The following PTPRN2 variants were observed in gnomAD, a reference collection of about 807,000 sequenced individuals.
The protein encoded by PTPRN2 is receptor-type tyrosine-protein phosphatase N2.
In PTPRN2, 74 loss-of-function variants were observed where a neutral mutation model predicts 118.8. The observed-to-expected ratio is 0.62, with a 90% CI of 0.52 to 0.76. The LOEUF is 0.76. Ranked by LOEUF, PTPRN2 falls within the 30% of genes least tolerant of loss-of-function variation. The pLI is 0.00. For missense variants in PTPRN2, 1,481 were observed against 1,394.4 expected, an observed-to-expected ratio of 1.06 and a Z score of -0.99; for synonymous variants, 641 against 608.0, an observed-to-expected ratio of 1.05 and a Z score of -0.80.
chr7:158,071,810 G>T (rs1381297984), intron 11 of PTPRN2, among the ~76,000 whole-genome samples: 3 of 108,496 alleles, frequency 2.8e-5, no homozygotes, highest in Admixed American at 1.8e-4. Context: ...TGGTGGAGGT[G>T]CTCGTCGTAT....
At chr7:157,837,641 G>A (rs968204816) in intron 12 of PTPRN2, among the ~76,000 whole-genome samples, 4 of 152,184 alleles carry the variant, frequency 2.6e-5, no homozygotes, top group Admixed American at 1.3e-4. Flanking sequence ...CACTCCTGCC[G>A]TCTGCAAGGA....
intron 2 of PTPRN2, among the ~76,000 whole-genome samples, chr7:158,463,857 C>G (rs1014666969): frequency 3.5e-5 from 5 of 141,926 alleles, no homozygotes; most frequent in Non-Finnish European, 7.6e-5. Context: ...CATTGCCATG[C>G]CATTTAGTAA....
rs1483944057 is a variant in PTPRN2, at chr7:157,944,494, T to C, written c.1724-45757A>G. On this transcript the variant is annotated intron_variant, in intron 11 of 22. Transcript: ENST00000389418. The surrounding 1 kb of genome is among the most constrained non-coding windows in gnomAD (Gnocchi z 4.3). ...GGATCTATTGGAAAATTCTTCTTTT[T>C]AAAAAAGTTTCATGGAAAAAGCTTC... is the stretch of plus-strand genomic sequence containing the variant. 6.6e-6 allele frequency among the ~76,000 whole-genome samples: 1 copy of C among 152,214 alleles called. No homozygotes were observed. Among genetic ancestry groups the C allele is most frequent in the Non-Finnish European group, 1.5e-5 (1 of 68,038 alleles).
intron 14 of PTPRN2, among the ~76,000 whole-genome samples, chr7:157,650,227 G>T (rs547036082): frequency 6.6e-6 from 1 of 152,166 alleles, no homozygotes; most frequent in Admixed American, 6.5e-5. Flanking sequence ...TGGCGTGAAG[G>T]CTTCCCAAAC....
chr7:158,138,392 T>G lies in PTPRN2; in HGVS notation c.1034A>C (p.His345Pro). 12 of 1,613,712 alleles carry G rather than the reference T, an allele frequency of 7.4e-6. No homozygotes were observed. Among genetic ancestry groups the G allele is most frequent in the Non-Finnish European group, 1.0e-5 (12 of 1,179,908 alleles). ...CCCAGGGCTGCCTCGAGCTACTCCA[T>G]GGTCCACGCCTTGCATCAGGCCAGC... ...LMAGLMQGVD[H>P]GVARGSPGRA... The change falls in exon 7 of 23, where the codon CAT becomes CCT. Residue 345 changes from histidine (H) to proline (P), a missense_variant. Physicochemically the swap from His to Pro is moderately conservative, Grantham distance 77. Transcript: ENST00000389418.
intron 7 of PTPRN2, among the ~76,000 whole-genome samples, chr7:158,136,995 AC>A (rs11332092): frequency 0.35 from 53,846 of 151,860 alleles, 9,912 homozygotes; most frequent in East Asian, 0.5. Flanking sequence ...GCAAAAAAAA[AC>A]CCCATCGTAC....
At chr7:157,894,267 C>T (rs1433729361) in intron 12 of PTPRN2, among the ~76,000 whole-genome samples, 4 of 152,196 alleles carry the variant, frequency 2.6e-5, no homozygotes, top group Non-Finnish European at 4.4e-5. Context: ...CAATCAAAAC[C>T]GGGCGTGACT....
intron 12 of PTPRN2, among the ~76,000 whole-genome samples, chr7:157,793,208 C>T (rs1199498468): frequency 6.6e-6 from 1 of 152,118 alleles, no homozygotes; most frequent in Non-Finnish European, 1.5e-5. Context: ...CCTGCTGTTC[C>T]CTCTGCAGAG....
chr7:158,128,243 C>T (rs1264848250), intron 9 of PTPRN2, among the ~76,000 whole-genome samples: 1 of 152,208 alleles, frequency 6.6e-6, no homozygotes, highest in African/African-American at 2.4e-5. Context: ...GATAATAGGG[C>T]AAAAACCTCA....
At chr7:157,840,350 G>A (rs1221055170) in intron 12 of PTPRN2, among the ~76,000 whole-genome samples, 5 of 144,968 alleles carry the variant, frequency 3.4e-5, no homozygotes, top group East Asian at 2.1e-4. Flanking sequence ...GTGTGGCCGC[G>A]TGTGACTGTG....
At chr7:157,604,787 G>A (rs958784163) in intron 15 of PTPRN2, among the ~76,000 whole-genome samples, 27 of 152,244 alleles carry the variant, frequency 1.8e-4, no homozygotes, top group African/African-American at 5.5e-4. Flanking sequence ...GCGCAGCGGG[G>A]GGACAGTAGG....
chr7:158,115,688 G>C (rs1431615489), intron 9 of PTPRN2, among the ~76,000 whole-genome samples: 1 of 151,934 alleles, frequency 6.6e-6, no homozygotes, highest in Non-Finnish European at 1.5e-5. Context: ...CTGGCATCTG[G>C]ATTCCAACCC....
intron 3 of PTPRN2, among the ~76,000 whole-genome samples, chr7:158,215,874 A>C (rs1458356457): frequency 1.3e-5 from 2 of 152,176 alleles, no homozygotes; most frequent in African/African-American, 4.8e-5. Context: ...GAATTACTAA[A>C]TTTATGTCTC....
intron 2 of PTPRN2, among the ~76,000 whole-genome samples, chr7:158,452,819 G>A (rs1818180388): frequency 6.6e-6 from 1 of 152,238 alleles, no homozygotes; most frequent in South Asian, 2.1e-4. Context: ...GTTGCAGGAT[G>A]AAGCAGGAGC....
At chr7:158,238,169 G>A (rs111269800) in intron 3 of PTPRN2, among the ~76,000 whole-genome samples, 16 of 152,174 alleles carry the variant, frequency 1.1e-4, no homozygotes, top group African/African-American at 2.6e-4. Flanking sequence ...GGAAAAGGAC[G>A]CCCTGGGCTT....
intron 5 of PTPRN2, among the ~76,000 whole-genome samples, chr7:158,175,352 C>T (rs1247705036): frequency 6.6e-6 from 1 of 152,172 alleles, no homozygotes; most frequent in Non-Finnish European, 1.5e-5. Flanking sequence ...GCAGCTCCGG[C>T]TCCGGCTCGT....
chr7:158,156,134 T>G (rs1416584529), intron 6 of PTPRN2, among the ~76,000 whole-genome samples: 1 of 152,216 alleles, frequency 6.6e-6, no homozygotes, highest in East Asian at 1.9e-4. Flanking sequence ...GTGCCCATGC[T>G]GCAGCCTGGG....
intron 9 of PTPRN2, among the ~76,000 whole-genome samples, chr7:158,132,759 CAT>C (rs1818470891): frequency 6.6e-6 from 1 of 151,392 alleles, no homozygotes; most frequent in South Asian, 2.1e-4. Flanking sequence ...CACACACGCA[CAT>C]ACACATCTAC....
At chr7:158,305,649 T>C (rs1222596986) in intron 3 of PTPRN2, among the ~76,000 whole-genome samples, 1 of 152,122 alleles carries the variant, frequency 6.6e-6, no homozygotes, top group South Asian at 2.1e-4. Flanking sequence ...GAAGTAGCTG[T>C]AGACATCAGT....
Sources: allele counts gnomAD v4.1 joint callset (sites outside exome capture counted in the v4.1 genomes callset), GRCh38; gene constraint gnomAD v4.1.1; non-coding constraint Gnocchi (gnomAD v3.1); transcripts MANE v1.5; gene names NCBI Gene and HGNC (gene_info 2026-07-23, HGNC 2026-07-21).